The following PLCH2 variants were observed in gnomAD, a reference collection of about 807,000 sequenced individuals.
PLCH2 encodes 1-phosphatidylinositol 4,5-bisphosphate phosphodiesterase eta-2.
In PLCH2, 98 loss-of-function variants were observed where a neutral mutation model predicts 134.7. The ratio of observed to expected loss-of-function variants is 0.73; its 90% CI spans 0.62 to 0.86. PLCH2 has a LOEUF of 0.86. PLCH2 is among the 40% of genes least tolerant of loss of function. PLCH2 has a pLI of 0.00. For missense variants in PLCH2, 1,994 were observed against 1,986.6 expected (o/e 1.00, Z -0.07); for synonymous variants, 974 against 827.5 (o/e 1.18, Z -3.04).
chr1:2,456,407 C>T (rs544981264), intron 2 of PLCH2, among the ~76,000 whole-genome samples: 3 of 152,242 alleles, frequency 2.0e-5, no homozygotes, highest in East Asian at 3.9e-4. Flanking sequence ...GCTCTAGCCA[C>T]GCGCTCTGGG....
At chr1:2,416,187 C>T in the PLCH2 span, among the ~76,000 whole-genome samples, 1 of 152,208 alleles carries the variant, frequency 6.6e-6, no homozygotes, top group Admixed American at 6.5e-5. Context: ...CTCAGGACCC[C>T]GAGGAGGGCA....
chr1:2,468,232 G>T (rs944528698), intron 1 of PLCH2, among the ~76,000 whole-genome samples: 1 of 152,230 alleles, frequency 6.6e-6, no homozygotes, highest in Non-Finnish European at 1.5e-5. Flanking sequence ...GCTTTCTCTG[G>T]GGGGCCTGCA....
rs747830299 is a variant in PLCH2 at position 2,502,410 on chromosome 1, G to A, written c.2959+1G>A. On this transcript the variant is annotated splice_donor_variant, in intron 21 of 21. Coordinates refer to ENST00000378486, the MANE Select transcript of PLCH2 (RefSeq NM_014638.4). LOFTEE classifies it high-confidence loss of function. ...GGGCCCGGCAGCGGCAGCCCCCGAG[G>A]TAAGGCGCCAGCTGCGGTGGCAGAG... 1.3e-6 allele frequency: 2 copies of A among 1,543,984 alleles called. No individual in the cohort carries two copies. The highest frequency in any genetic ancestry group is 2.0e-5 in the Admixed American group (1 of 50,918).
Position 2,451,832 on chromosome 1 carries a change from G to T in PLCH2, c.115+21203G>T, listed in dbSNP as rs578003109. On this transcript the variant is annotated intron_variant, in intron 2 of 3. Coordinates refer to the PLCH2 transcript ENST00000609981. ...CCACTGCGTCTGGGCTGCCGGGGGG[G>T]CGGTGGGTGGTGGTGGGGGGACTGT... is the stretch of plus-strand genomic sequence containing the variant. Among the ~76,000 whole-genome samples, 266 of 152,238 alleles carry T rather than the reference G, an allele frequency of 1.7e-3. 2 individuals are homozygous for T. Among genetic ancestry groups the T allele is most frequent in the Non-Finnish European group, 3.2e-3 (216 of 67,986 alleles).
At chr1:2,496,061 C>G (rs969955695) in intron 13 of PLCH2, among the ~76,000 whole-genome samples, 2 of 152,134 alleles carry the variant, frequency 1.3e-5, no homozygotes, top group East Asian at 3.9e-4. Context: ...TGGGCTCCCC[C>G]CGTGCCGCCC....
chr1:2,499,506 G>A, intron 19 of PLCH2, 135 bp from the exon 20 acceptor site: 1 of 740,206 alleles, frequency 1.4e-6, no homozygotes, highest in South Asian at 1.6e-5. Context: ...TGGGCCCACA[G>A]GAGGCAGAGG....
At chr1:2,482,734 G>A (rs893667163) in intron 4 of PLCH2, among the ~76,000 whole-genome samples, 90 of 152,264 alleles carry the variant, frequency 5.9e-4, no homozygotes, top group Non-Finnish European at 5.1e-4. Flanking sequence ...CACCACCCCT[G>A]GCCACCCCAG....
intron 20 of PLCH2, chr1:2,500,296 G>C (rs1643144790): frequency 6.3e-6 from 1 of 159,276 alleles, no homozygotes; most frequent in Non-Finnish European, 1.4e-5. Flanking sequence ...GCTGGCTGCA[G>C]CTGGCCCTCG....
At chr1:2,502,462 G>A (rs1033407335) in intron 21 of PLCH2, 53 bp downstream of exon 21, 31 of 1,500,924 alleles carry the variant, frequency 2.1e-5, no homozygotes, top group Non-Finnish European at 2.4e-5. Context: ...TGCGGCCCCC[G>A]CGTGTCCTGG....
chr1:2,496,939 AC>A lies in PLCH2; in HGVS notation c.2049del (p.Ser684ProfsTer25). 1 of 1,613,034 alleles carries A rather than the reference AC, an allele frequency of 6.2e-7. No individual in the cohort carries two copies. Among genetic ancestry groups the A allele is most frequent in the Non-Finnish European group, 8.5e-7 (1 of 1,179,782 alleles). ...AACCAGCAGCAGCTCTCCCGCATCT[AC>A]CCCTCCTCCTACCGTGTGGACTCCA... ...RFNQQQLSRI[Y>X]PSSYRVDSSN... On this transcript the variant is annotated frameshift_variant, in exon 15 of 22. Coordinates refer to ENST00000378486, the MANE Select transcript of PLCH2 (RefSeq NM_014638.4). LOFTEE classifies it high-confidence loss of function.
intron 2 of PLCH2, among the ~76,000 whole-genome samples, chr1:2,432,739 G>A (rs919598090): frequency 3.3e-5 from 5 of 152,218 alleles, no homozygotes; most frequent in Non-Finnish European, 5.9e-5. Flanking sequence ...GATGCCAGAG[G>A]TGGAGGGTCA....
At chr1:2,487,744 G>A (rs750227991) in intron 8 of PLCH2, 26 bp downstream of exon 8, 6 of 1,607,412 alleles carry the variant, frequency 3.7e-6, no homozygotes, top group Admixed American at 3.4e-5. Context: ...TAGCGGGGCT[G>A]GCCCCAGAGG....
chr1:2,459,455 TCCTGGTGGTTC>T (rs1640676362), intron 2 of PLCH2, among the ~76,000 whole-genome samples: 212 of 66,862 alleles, frequency 3.2e-3, no homozygotes, highest in East Asian at 0.014. Flanking sequence ...TGGTCCTCCT[TCCTGGTGGTTC>T]TCCTTCCTGG....
chr1:2,491,909 T>C (rs1642607207), intron 11 of PLCH2, among the ~76,000 whole-genome samples: 1 of 151,276 alleles, frequency 6.6e-6, no homozygotes, highest in South Asian at 2.1e-4. Context: ...CAGAGCCTCC[T>C]TGCAGACCTC....
At position 2,489,063 on chromosome 1, in the gene PLCH2, G is replaced by C. The variant is rs543026431; in HGVS notation, c.1236-144G>C. 3 of 714,808 alleles carry C rather than the reference G, an allele frequency of 4.2e-6. No homozygotes were observed. The East Asian group carries it at 7.8e-5, about 19-fold the overall frequency. The allele number at this position is 714,808 out of a possible 1,614,324, so 44.3% of individuals were successfully genotyped here. On this transcript the variant is annotated intron_variant, in intron 8 of 21. Coordinates refer to ENST00000378486, the MANE Select transcript of PLCH2 (RefSeq NM_014638.4). ...GACGGGTGGGCCACCTCCCAGAGCT[G>C]CTGGTAATCCCAGCTATCCTGGGTT...
At chr1:2,467,449 T>C, upstream of PLCH2, 1 of 135,598 alleles carries the variant, frequency 7.4e-6, no homozygotes, top group Non-Finnish European at 1.1e-5. Context: ...CTCGCCTTCC[T>C]CACCTTCCTC....
At chr1:2,492,285 G>A (rs1337474339) in intron 11 of PLCH2, 3 of 152,260 alleles carry the variant, frequency 2.0e-5, no homozygotes, top group African/African-American at 4.8e-5. Context: ...AGGAGAGCTC[G>A]AGGAACATGC....
intron 21 of PLCH2, chr1:2,503,001 C>T (rs1315196200): frequency 1.4e-5 from 10 of 715,860 alleles, no homozygotes; most frequent in South Asian, 7.5e-5. Flanking sequence ...TGGACGGTGT[C>T]GCCTCGTGTG....
At chr1:2,436,551 C>CCTCCTTCCTCCCTCCACCTTTCCTCCTTT (rs1263512027) in intron 2 of PLCH2, among the ~76,000 whole-genome samples, 6 of 48,268 alleles carry the variant, frequency 1.2e-4, no homozygotes, top group African/African-American at 9.2e-4. Context: ...CTCCTCCCTT[C>CCTCCTTCCTCCCTCCACCTTTCCTCCTTT]CTCCCTCCAC....
Sources: gnomAD v4.1 joint callset for allele counts (sites outside exome capture counted in the v4.1 genomes callset) on GRCh38, gnomAD v4.1.1 for gene constraint, MANE v1.5 for transcripts, NCBI Gene and HGNC (gene_info 2026-07-23, HGNC 2026-07-21) for gene names.